The following TRAPPC12 variants were observed in gnomAD, a reference collection of about 807,000 sequenced individuals.
TRAPPC12 encodes TPR repeat protein 15.
TRAPPC12 carries 61 observed loss-of-function variants against 69.2 expected under a neutral mutation model. The observed-to-expected ratio is 0.88, with a 90% CI of 0.72 to 1.09. The LOEUF (loss-of-function observed/expected upper bound fraction) is 1.09. Among genes scored for constraint, TRAPPC12 ranks in the 50% least tolerant of loss-of-function variants. TRAPPC12 has a pLI of 0.00. For missense variants in TRAPPC12, 1,101 were observed against 1,016.4 expected, an observed-to-expected ratio of 1.08 and a Z score of -1.13; for synonymous variants, 469 against 438.9, an observed-to-expected ratio of 1.07 and a Z score of -0.86.
chr2:3,388,121 C>A lies in TRAPPC12; in HGVS notation c.498C>A (p.Arg166=). The change falls in exon 2 of 12, where the codon CGC becomes CGA. Residue 166 remains arginine (R), a synonymous_variant. Transcript: ENST00000324266. ...PVPVCTIFSQ[R]APPASGDGFE... ...CGGTGTGCACCATCTTCAGCCAGCG[C>A]GCGCCCCCAGCCTCCGGGGACGGCT... 3 of 1,581,346 alleles carry A rather than the reference C, an allele frequency of 1.9e-6. No homozygotes were observed. The highest frequency in any genetic ancestry group is 4.6e-5 in the East Asian group (2 of 43,076).
At chr2:3,475,975 A>C (rs1666277007) in intron 9 of TRAPPC12, among the ~76,000 whole-genome samples, 1 of 152,198 alleles carries the variant, frequency 6.6e-6, no homozygotes, top group Admixed American at 6.5e-5. Flanking sequence ...CGGTCCTGTT[A>C]GACAGGAGAT....
At chr2:3,436,544 C>T (rs540562419) in intron 5 of TRAPPC12, among the ~76,000 whole-genome samples, 10 of 152,030 alleles carry the variant, frequency 6.6e-5, no homozygotes, top group East Asian at 1.9e-4. Context: ...TTTGCATTAG[C>T]GTAGAACTTT....
At chr2:3,467,901 A>G (rs1338447119) in intron 9 of TRAPPC12, 2 of 152,210 alleles carry the variant, frequency 1.3e-5, no homozygotes, top group Admixed American at 6.5e-5. Flanking sequence ...GAGCTGCCAG[A>G]GATCTCAGCA....
In TRAPPC12 at chr2:3,379,851, G is replaced by C. The variant is rs1660121325; in HGVS notation, c.-30G>C. 6.6e-6 allele frequency: 1 copy of C among 152,594 alleles called. No individual in the cohort carries two copies. Among genetic ancestry groups the C allele is most frequent in the Admixed American group, 6.5e-5 (1 of 15,290 alleles). The allele number at this position is 152,594 out of a possible 1,614,324, so 9.5% of individuals were successfully genotyped here. On this transcript the variant is annotated 5_prime_UTR_variant, in exon 1 of 12. Coordinates refer to ENST00000324266, the MANE Select transcript of TRAPPC12 (RefSeq NM_016030.6). ...GGTCACGGCCGCAGGTGACCCCTTAGCCCAGCTCCAGTGGGCGGGTGGCAG... is the reference window on the plus strand; with the variant it reads ...GGTCACGGCCGCAGGTGACCCCTTACCCCAGCTCCAGTGGGCGGGTGGCAG...
intron 4 of TRAPPC12, among the ~76,000 whole-genome samples, chr2:3,423,428 C>G (rs1469633757): frequency 4.6e-5 from 7 of 152,092 alleles, no homozygotes; most frequent in Non-Finnish European, 7.4e-5. Context: ...TACAATAGAT[C>G]TCTTGAGCTT....
Position 3,382,130 on chromosome 2 carries a change from CTTTTTTTTT to C in TRAPPC12, c.-5+2269_-5+2277del, listed in dbSNP as rs70938942. 7.4e-3 allele frequency among the ~76,000 whole-genome samples: 691 copies of C among 93,618 alleles called. 7 individuals are homozygous for C. The highest frequency in any genetic ancestry group is 0.027 in the African/African-American group (645 of 23,472). 61.4% of individuals were successfully genotyped at this position (93,618 alleles called of 152,430 possible). A position where few individuals can be genotyped will look rare whatever the true frequency, so the allele number is the denominator to read the frequency against. The stretch of plus-strand genomic sequence containing the variant: ...TGTCTACAGGCAGTGTTTATTTCCA[CTTTTTTTTT>C]TTTTTTTTTTTTTTGAGATGGAGTC... On this transcript the variant is annotated intron_variant, in intron 1 of 11. Coordinates refer to ENST00000324266, the MANE Select transcript of TRAPPC12 (RefSeq NM_016030.6).
chr2:3,394,934 A>G (rs1661037385), intron 2 of TRAPPC12, among the ~76,000 whole-genome samples: 1 of 152,120 alleles, frequency 6.6e-6, no homozygotes, highest in South Asian at 2.1e-4. Flanking sequence ...TCACACACAC[A>G]CTCACACTCT....
intron 3 of TRAPPC12, among the ~76,000 whole-genome samples, chr2:3,412,302 T>G (rs1237247984): frequency 6.6e-6 from 1 of 152,184 alleles, no homozygotes; most frequent in Non-Finnish European, 1.5e-5. Context: ...GGCTCACACC[T>G]TTAATCCCAG....
At chr2:3,405,313 T>C (rs1661669074) in intron 3 of TRAPPC12, among the ~76,000 whole-genome samples, 3 of 151,922 alleles carry the variant, frequency 2.0e-5, no homozygotes, top group Admixed American at 2.0e-4. Context: ...ACAAATGTCC[T>C]TGCTCCTGTT....
intron 3 of TRAPPC12, among the ~76,000 whole-genome samples, chr2:3,417,453 A>C (rs1662483734): frequency 6.6e-6 from 1 of 151,596 alleles, no homozygotes; most frequent in African/African-American, 2.4e-5. Flanking sequence ...TTTTCCAAAC[A>C]TTTTATTTCA....
At chr2:3,412,553 C>T (rs949252810) in intron 3 of TRAPPC12, among the ~76,000 whole-genome samples, 1 of 152,168 alleles carries the variant, frequency 6.6e-6, no homozygotes, top group African/African-American at 2.4e-5. Flanking sequence ...AACAGCAAAA[C>T]TCCGTCTCAA....
At chr2:3,425,507 C>T (rs1389635572) in intron 5 of TRAPPC12, among the ~76,000 whole-genome samples, 1 of 152,174 alleles carries the variant, frequency 6.6e-6, no homozygotes, top group East Asian at 1.9e-4. Context: ...GCCAATCCTC[C>T]TTGCTGCCTG....
At chr2:3,465,282 A>G (rs1399309460) in intron 8 of TRAPPC12, among the ~76,000 whole-genome samples, 1 of 152,236 alleles carries the variant, frequency 6.6e-6, no homozygotes, top group East Asian at 1.9e-4. Context: ...TCCAAGTGAA[A>G]TATGAATCGC....
At chr2:3,447,864 C>T (rs1391480202) in intron 6 of TRAPPC12, among the ~76,000 whole-genome samples, 1 of 152,110 alleles carries the variant, frequency 6.6e-6, no homozygotes, top group African/African-American at 2.4e-5. Flanking sequence ...TTCTGATTTT[C>T]CCAGACCTTC....
chr2:3,398,951 G>T (rs1192524614), intron 2 of TRAPPC12, among the ~76,000 whole-genome samples: 1 of 152,154 alleles, frequency 6.6e-6, no homozygotes, highest in Non-Finnish European at 1.5e-5. Flanking sequence ...AGAAAGCCCT[G>T]GGGGAAGTTC....
rs34956958 is a variant in TRAPPC12, at chr2:3,383,871, G to GTTTTTTTTTTTTTTTTTTTT, written c.-4-3727_-4-3708dup. On this transcript the variant is annotated intron_variant, in intron 1 of 11. Transcript: ENST00000324266. ...TATTCCCTTGTGATAGTTCAGTCTTGTTTTTTTTTTTTTTTTTTTTTTTTT... is the reference window on the plus strand; with the variant it reads ...TATTCCCTTGTGATAGTTCAGTCTTGTTTTTTTTTTTTTTTTTTTTTTTTTTTTTTTTTTTTTTTTTTTTT... 2.3e-4 allele frequency among the ~76,000 whole-genome samples: 20 copies of GTTTTTTTTTTTTTTTTTTTT among 85,594 alleles called. 4 individuals are homozygous for GTTTTTTTTTTTTTTTTTTTT. Among genetic ancestry groups the GTTTTTTTTTTTTTTTTTTTT allele is most frequent in the Non-Finnish European group, 4.0e-4 (17 of 42,904 alleles). The allele number at this position is 85,594 out of a possible 152,430, so 56.2% of individuals were successfully genotyped here.
chr2:3,388,242 A>T lies in TRAPPC12; in HGVS notation c.619A>T (p.Ser207Cys), dbSNP rs1182050494. The T allele has an allele frequency of 1.2e-6, 2 of 1,608,780 alleles. No individual in the cohort carries two copies. The highest frequency in any genetic ancestry group is 4.5e-5 in the East Asian group (2 of 44,448). ...GGTCGTGCAGCCCAGCCCCAGCCTC[A>T]GCACGTTCTTCGGAGACACGGCCGC... ...PQVVQPSPSL[S>C]TFFGDTAASH... The change falls in exon 2 of 12, where the codon AGC becomes TGC. Residue 207 changes from serine (S) to cysteine (C), a missense_variant. By Grantham distance (112) the Ser-to-Cys change is moderately radical (BLOSUM62 -1). Coordinates refer to ENST00000324266, the MANE Select transcript of TRAPPC12 (RefSeq NM_016030.6).
intron 3 of TRAPPC12, among the ~76,000 whole-genome samples, chr2:3,406,465 A>G (rs1234405291): frequency 2.6e-5 from 4 of 152,242 alleles, no homozygotes; most frequent in Admixed American, 2.0e-4. Context: ...ATGTGAGTCA[A>G]TGTCAGTCGA....
intron 2 of TRAPPC12, among the ~76,000 whole-genome samples, chr2:3,389,489 G>GTTC (rs1660697148): frequency 6.6e-6 from 1 of 152,282 alleles, no homozygotes; most frequent in Non-Finnish European, 1.5e-5. Flanking sequence ...TCCAGGCGAG[G>GTTC]GGAACACCGT....
Sources: gnomAD v4.1 joint callset for allele counts (sites outside exome capture counted in the v4.1 genomes callset) on GRCh38, gnomAD v4.1.1 for gene constraint, MANE v1.5 for transcripts, NCBI Gene and HGNC (gene_info 2026-07-23, HGNC 2026-07-21) for gene names.